The following SFI1 variants were observed in gnomAD, a reference collection of about 807,000 sequenced individuals.
The protein encoded by SFI1 is SFI1 centrin binding protein.
Under a neutral mutation model 207.5 loss-of-function variants are expected in SFI1, and 195 were observed. The observed-to-expected ratio is 0.94, with a 90% CI of 0.84 to 1.06. SFI1 has a LOEUF of 1.06. SFI1 is among the 50% of genes least tolerant of loss of function. SFI1 has a pLI of 0.00. For synonymous variants in SFI1, 630 were observed against 598.9 expected (o/e 1.05, Z -0.76); for missense variants, 1,634 against 1,588.0 (o/e 1.03, Z -0.49).
chr22:31,616,218 G>C (rs1852913198), intron 29 of SFI1: 1 of 152,470 alleles, frequency 6.6e-6, no homozygotes, highest in African/African-American at 2.4e-5. Flanking sequence ...GAAGGAACCA[G>C]TTCCTGTGGT....
chr22:31,561,139 T>C, intron 7 of SFI1, 151 bp from the exon 8 acceptor site: 1 of 633,160 alleles, frequency 1.6e-6, no homozygotes, highest in Non-Finnish European at 2.7e-6. Context: ...TCAATTGTTT[T>C]GTTTTATTTT....
chr22:31,613,290 C>T, intron 25 of SFI1, 64 bp from the exon 26 acceptor site: 1 of 1,606,582 alleles, frequency 6.2e-7, no homozygotes, highest in Non-Finnish European at 8.5e-7. Flanking sequence ...GGAGGGAGGG[C>T]ACCTGGTCTG....
chr22:31,580,539 T>C lies in SFI1; in HGVS notation c.1248+175T>C, dbSNP rs1413246550. Among the ~76,000 whole-genome samples the C allele has an allele frequency of 8.3e-5, 12 of 145,056 alleles. No individual in the cohort carries two copies. In the Admixed American group the frequency reaches 8.6e-4, roughly 10 times the overall value. Reference sequence around the variant, plus strand: ...TTTGCATTTTCTTTCTTTCTTTTCTTTTCTTTTTTTTTTTTTTTTTTTTGA... The same window carrying C: ...TTTGCATTTTCTTTCTTTCTTTTCTCTTCTTTTTTTTTTTTTTTTTTTTGA... On this transcript the variant is annotated intron_variant, in intron 12 of 32. Transcript: ENST00000400288.
At chr22:31,606,233 C>T (rs2068943234) in intron 20 of SFI1, 95 bp from the exon 21 acceptor site, 2 of 1,135,320 alleles carry the variant, frequency 1.8e-6, no homozygotes, top group East Asian at 2.4e-5. Flanking sequence ...GTCCCTGACT[C>T]AGGAGTAGGG....
chr22:31,568,433 G>A (rs2145715659), intron 8 of SFI1, among the ~76,000 whole-genome samples: 1 of 147,054 alleles, frequency 6.8e-6, no homozygotes, highest in East Asian at 2.0e-4. Context: ...CTGGGAGGCT[G>A]AGCACGAGAA....
chr22:31,587,303 T>TTGTTTTGTTC, intron 14 of SFI1: 1 of 394,762 alleles, frequency 2.5e-6, no homozygotes, highest in South Asian at 1.9e-5. Flanking sequence ...GCCAATTTAT[T>TTGTTTTGTTC]TGTTTTGTTT....
At chr22:31,611,094 C>G (rs753891466) in intron 22 of SFI1, 49 bp from the exon 23 acceptor site, 1 of 1,611,636 alleles carries the variant, frequency 6.2e-7, no homozygotes, top group Non-Finnish European at 8.5e-7. Context: ...TATGTAGTCA[C>G]TGGTGGAAAT....
intron 1 of SFI1, among the ~76,000 whole-genome samples, chr22:31,497,084 G>C (rs2052802226): frequency 6.6e-6 from 1 of 152,222 alleles, no homozygotes; most frequent in Non-Finnish European, 1.5e-5. Context: ...GAGTAACGCA[G>C]TAAACAAACC....
chr22:31,509,009 G>C (rs2055089023), intron 2 of SFI1, among the ~76,000 whole-genome samples: 1 of 152,092 alleles, frequency 6.6e-6, no homozygotes, highest in Admixed American at 6.5e-5. Flanking sequence ...AATGGATTTT[G>C]TCACATGGTT....
At chr22:31,576,934 C>T (rs372746741) in intron 10 of SFI1, among the ~76,000 whole-genome samples, 7 of 152,210 alleles carry the variant, frequency 4.6e-5, no homozygotes, top group African/African-American at 1.7e-4. Flanking sequence ...CCTGAGCCAC[C>T]GCACCCAGCC....
At chr22:31,527,205 G>T (rs2058018519) in intron 2 of SFI1, among the ~76,000 whole-genome samples, 1 of 151,708 alleles carries the variant, frequency 6.6e-6, no homozygotes. Context: ...CTGAGAACCT[G>T]TCTTTAAAAA....
intron 1 of SFI1, among the ~76,000 whole-genome samples, chr22:31,497,677 GAAATGACGAAGCTA>G (rs2052941554): frequency 9.9e-5 from 15 of 151,988 alleles, no homozygotes; most frequent in Middle Eastern, 3.4e-3. Flanking sequence ...GACGAAGCTA[GAAATGACGAAGCTA>G]GAAATGCCTA....
intron 4 of SFI1, among the ~76,000 whole-genome samples, chr22:31,545,505 C>A (rs1254244145): frequency 1.3e-5 from 2 of 151,956 alleles, no homozygotes; most frequent in African/African-American, 4.8e-5. Context: ...AAGACATTGT[C>A]ACACATTTTT....
At chr22:31,523,298 AT>A (rs2057499437) in intron 2 of SFI1, among the ~76,000 whole-genome samples, 1 of 152,194 alleles carries the variant, frequency 6.6e-6, no homozygotes. Context: ...AAGGAGGGCC[AT>A]TTACAAATGA....
At chr22:31,599,717 C>T (rs529625512) in intron 15 of SFI1, among the ~76,000 whole-genome samples, 4 of 152,218 alleles carry the variant, frequency 2.6e-5, no homozygotes, top group African/African-American at 9.6e-5. Context: ...GTCAAGTGAT[C>T]CTCCTGCCAT....
intron 4 of SFI1, among the ~76,000 whole-genome samples, chr22:31,544,263 C>A (rs1010897244): frequency 6.6e-6 from 1 of 152,124 alleles, no homozygotes; most frequent in African/African-American, 2.4e-5. Flanking sequence ...TGACTAATTT[C>A]TCTTACTCAT....
chr22:31,498,852 CTTT>C (rs375338158), intron 1 of SFI1, among the ~76,000 whole-genome samples: 1 of 113,442 alleles, frequency 8.8e-6, no homozygotes, highest in African/African-American at 3.7e-5. Context: ...GGAGTGGCTT[CTTT>C]TTTTCTTTTT....
At chr22:31,508,902 T>C (rs1361235618) in intron 2 of SFI1, among the ~76,000 whole-genome samples, 1 of 152,214 alleles carries the variant, frequency 6.6e-6, no homozygotes, top group South Asian at 2.1e-4. Flanking sequence ...AGTTCCTCTA[T>C]ACCCACAAGT....
chr22:31,573,755 A>T (rs1477814251), intron 9 of SFI1, among the ~76,000 whole-genome samples: 3 of 152,090 alleles, frequency 2.0e-5, no homozygotes, highest in Non-Finnish European at 2.9e-5. Flanking sequence ...TATATTTTTT[A>T]TCTAAATAGG....
Sources: gnomAD v4.1 joint callset for allele counts (sites outside exome capture counted in the v4.1 genomes callset) on GRCh38, gnomAD v4.1.1 for gene constraint, MANE v1.5 for transcripts, NCBI Gene and HGNC (gene_info 2026-07-23, HGNC 2026-07-21) for gene names.